Variants in CASK observed in about 807,000 individuals in gnomAD.
CASK encodes peripheral plasma membrane protein CASK.
CASK carries 4 observed loss-of-function variants against 82.9 expected under a neutral mutation model. That is an observed-to-expected ratio of 0.05 (90% CI 0.02 to 0.11). The LOEUF (loss-of-function observed/expected upper bound fraction) is 0.11, where lower values mean the gene tolerates loss of function less well. Among genes scored for constraint, CASK ranks in the 10% least tolerant of loss-of-function variants. The probability of loss-of-function intolerance (pLI) is 1.00; values close to 1 mark genes in which losing one functional copy is unlikely to be tolerated. For missense variants in CASK, 358 were observed against 720.9 expected, an observed-to-expected ratio of 0.50 and a Z score of 5.76; for synonymous variants, 259 against 253.5, an observed-to-expected ratio of 1.02 and a Z score of -0.20.
intron 11 of CASK, among the ~76,000 whole-genome samples, chrX:41,611,872 T>C (rs1374323406): frequency 1.8e-5 from 2 of 111,215 alleles, no homozygotes; most frequent in African/African-American, 6.5e-5. Context: ...CTGGTTTTCG[T>C]ATTTTTTTGG....
chrX:41,906,374 T>C (rs1162825346), intron 1 of CASK, among the ~76,000 whole-genome samples: 3 of 112,483 alleles, frequency 2.7e-5, no homozygotes, highest in Non-Finnish European at 5.6e-5. Context: ...CTTGTTGTAG[T>C]ATCTATTTCA....
At chrX:41,787,324 A>C (rs765562817) in intron 2 of CASK, 41 bp from the exon 3 acceptor site, 2 of 777,254 alleles carry the variant, frequency 2.6e-6, no homozygotes, top group African/African-American at 4.1e-5. Flanking sequence ...AGGTAGGAAC[A>C]AAAGACAATT....
intron 3 of CASK, among the ~76,000 whole-genome samples, chrX:41,751,561 G>C (rs952049495): frequency 1.8e-5 from 2 of 108,175 alleles, no homozygotes; most frequent in African/African-American, 6.8e-5. Flanking sequence ...AGGAACTCTA[G>C]AGAGGTAGGA....
intron 1 of CASK, among the ~76,000 whole-genome samples, chrX:41,906,268 T>C (rs184206267): frequency 8.9e-6 from 1 of 112,189 alleles, no homozygotes; most frequent in Non-Finnish European, 1.9e-5. Flanking sequence ...ATGACTATGA[T>C]AGCCAAGAAT....
At chrX:41,628,110 T>G (rs2066411138) in intron 9 of CASK, among the ~76,000 whole-genome samples, 1 of 112,612 alleles carries the variant, frequency 8.9e-6, no homozygotes, top group Admixed American at 9.4e-5. Context: ...ATTCTGTAAG[T>G]GCATATCATT....
intron 2 of CASK, among the ~76,000 whole-genome samples, chrX:41,843,419 G>GTCTGCTGAGA (rs2071086761): frequency 9.0e-6 from 1 of 111,413 alleles, no homozygotes; most frequent in Non-Finnish European, 1.9e-5. Context: ...AGATGATCAT[G>GTCTGCTGAGA]TGGACTGTTG....
intron 8 of CASK, chrX:41,660,048 T>A: frequency 6.0e-6 from 1 of 167,379 alleles, no homozygotes; most frequent in Non-Finnish European, 1.1e-5. Context: ...AATTTATACC[T>A]AGTATCTACT....
chrX:41,791,864 ATCTATT>A (rs1310817959), intron 2 of CASK, among the ~76,000 whole-genome samples: 2 of 111,810 alleles, frequency 1.8e-5, no homozygotes, highest in East Asian at 5.5e-4. Context: ...TTTTAAACTA[ATCTATT>A]TCTGTGTTTA....
chrX:41,609,852 C>T (rs996279334), intron 12 of CASK, 52 bp downstream of exon 12: 99 of 1,187,453 alleles, frequency 8.3e-5, no homozygotes, highest in Non-Finnish European at 5.8e-5. Flanking sequence ...CCACCGTGCC[C>T]GGCCAATATT....
chrX:41,542,126 C>T (rs2064954137), intron 22 of CASK, among the ~76,000 whole-genome samples: 1 of 112,594 alleles, frequency 8.9e-6, no homozygotes, highest in South Asian at 3.6e-4. Context: ...AGATAAGATT[C>T]TTGCTCTTGT....
chrX:41,555,684 G>C (rs1206025437), intron 19 of CASK, 49 bp from the exon 20 acceptor site: 2 of 964,923 alleles, frequency 2.1e-6, no homozygotes, highest in Non-Finnish European at 3.0e-6. Flanking sequence ...TATTTTTCAA[G>C]AGTACAAAGT....
At chrX:41,580,727 A>G (rs1445489093) in intron 14 of CASK, among the ~76,000 whole-genome samples, 2 of 112,131 alleles carry the variant, frequency 1.8e-5, no homozygotes, top group Non-Finnish European at 3.8e-5. Flanking sequence ...ATCTTTTTAA[A>G]AGCTTAAAAG....
chrX:41,825,881 C>T (rs2070654660), intron 2 of CASK, among the ~76,000 whole-genome samples: 1 of 112,251 alleles, frequency 8.9e-6, no homozygotes, highest in Admixed American at 9.4e-5. Context: ...CTTTTGATTA[C>T]AAAAATATTA....
chrX:41,689,855 A>C (rs1286622069), intron 5 of CASK: 1 of 111,944 alleles, frequency 8.9e-6, no homozygotes, highest in East Asian at 2.8e-4. Context: ...TCAACATAGC[A>C]ATGTGATATT....
chrX:41,641,792 C>T (rs754793733), intron 8 of CASK, among the ~76,000 whole-genome samples: 41 of 110,079 alleles, frequency 3.7e-4, no homozygotes, highest in African/African-American at 1.2e-3. Flanking sequence ...ATGTGCACAA[C>T]GTGCAGGTTT....
At chrX:41,567,616 T>C (rs2065339283) in intron 16 of CASK, among the ~76,000 whole-genome samples, 1 of 111,399 alleles carries the variant, frequency 9.0e-6, no homozygotes. Context: ...TGTGGAGAAA[T>C]AGGAACACTT....
At chrX:41,809,722 G>A in intron 2 of CASK, among the ~76,000 whole-genome samples, 1 of 112,382 alleles carries the variant, frequency 8.9e-6, no homozygotes, top group East Asian at 2.8e-4. Flanking sequence ...GCCAGCAACG[G>A]AACAAAGCTG....
intron 6 of CASK, among the ~76,000 whole-genome samples, chrX:41,668,740 TTTC>T (rs1156305979): frequency 1.8e-5 from 2 of 111,242 alleles, no homozygotes; most frequent in Admixed American, 1.9e-4. Flanking sequence ...ATTGACGGAA[TTTC>T]TTTCTTTTTT....
chrX:41,740,083 G>A (rs894961837), intron 4 of CASK, among the ~76,000 whole-genome samples: 2 of 111,931 alleles, frequency 1.8e-5, no homozygotes, highest in African/African-American at 6.5e-5. Context: ...GAGCACAGGT[G>A]AAGAACAAAG....
Sources: allele counts gnomAD v4.1 joint callset (sites outside exome capture counted in the v4.1 genomes callset), GRCh38; gene constraint gnomAD v4.1.1; transcripts MANE v1.5; gene names NCBI Gene and HGNC (gene_info 2026-07-23, HGNC 2026-07-21).